Variants in BNC2 observed in about 807,000 individuals in gnomAD.
The protein encoded by BNC2 is basonuclin zinc finger protein 2, also known as zinc finger protein basonuclin-2.
BNC2 carries 20 observed loss-of-function variants against 76.3 expected under a neutral mutation model. That is an observed-to-expected ratio of 0.26 (90% CI 0.18 to 0.38). BNC2 has a LOEUF of 0.38. Among genes scored for constraint, BNC2 ranks in the 10% least tolerant of loss-of-function variants. The pLI, the probability that BNC2 is intolerant of heterozygous loss-of-function variation, is 1.00. For missense variants in BNC2, 1,382 were observed against 1,399.8 expected (o/e 0.99, Z 0.20); for synonymous variants, 582 against 514.8 (o/e 1.13, Z -1.77).
At chr9:16,539,721 G>GA (rs1818251942) in intron 5 of BNC2, among the ~76,000 whole-genome samples, 3 of 130,604 alleles carry the variant, frequency 2.3e-5, no homozygotes, top group African/African-American at 9.1e-5. Flanking sequence ...GAAGGAAGGG[G>GA]AAGGAAAAGA....
chr9:16,656,364 C>T (rs1040904053), intron 3 of BNC2, among the ~76,000 whole-genome samples: 2 of 152,148 alleles, frequency 1.3e-5, no homozygotes, highest in South Asian at 2.1e-4. Context: ...CTGTCTCATT[C>T]GATGCACCAG....
chr9:16,805,488 T>C (rs1193169482), intron 1 of BNC2, among the ~76,000 whole-genome samples: 2 of 151,900 alleles, frequency 1.3e-5, no homozygotes, highest in Non-Finnish European at 1.5e-5. Flanking sequence ...CACCACAGCC[T>C]GGCTAATTTT....
At chr9:16,545,228 C>T (rs573648212) in intron 5 of BNC2, among the ~76,000 whole-genome samples, 63 of 152,290 alleles carry the variant, frequency 4.1e-4, no homozygotes, top group African/African-American at 1.5e-3. Context: ...CTAAGAGGTA[C>T]AGTGAAATCC....
chr9:16,692,859 G>A (rs1204454911), intron 3 of BNC2, among the ~76,000 whole-genome samples: 2 of 152,064 alleles, frequency 1.3e-5, no homozygotes, highest in African/African-American at 2.4e-5. Flanking sequence ...GCTGGGCGTC[G>A]TGGCTCATGC....
chr9:16,615,159 C>T (rs1466000037), intron 3 of BNC2, among the ~76,000 whole-genome samples: 6 of 152,128 alleles, frequency 3.9e-5, no homozygotes, highest in Admixed American at 2.0e-4. Context: ...CCATAATTAA[C>T]GAATGGTGGG....
In BNC2 at chr9:16,704,568, G is replaced by GAAAAAA. The variant is rs34866692; in HGVS notation, c.330+23223_330+23228dup. Among the ~76,000 whole-genome samples the GAAAAAA allele has an allele frequency of 1.1e-3, 146 of 135,886 alleles. 1 individual carries two copies. In the East Asian group the frequency reaches 0.022, roughly 21 times the overall value. 89.1% of individuals were successfully genotyped at this position (135,886 alleles called of 152,430 possible). A position where few individuals can be genotyped will look rare whatever the true frequency, so the allele number is the denominator to read the frequency against. ...TTTAGCCCTTCTAAATGCCAAAAAG[G>GAAAAAA]AAAAAAAAAAAAAAAGTACCATTCT... On this transcript the variant is annotated intron_variant, in intron 3 of 6. Transcript: ENST00000380672.
chr9:16,521,732 A>G (rs1817626412), intron 5 of BNC2, among the ~76,000 whole-genome samples: 1 of 152,200 alleles, frequency 6.6e-6, no homozygotes, highest in Non-Finnish European at 1.5e-5. Flanking sequence ...AGTCACCAAC[A>G]TTAAAACTCC....
chr9:16,767,942 G>C (rs1228361518), intron 1 of BNC2, among the ~76,000 whole-genome samples: 1 of 150,836 alleles, frequency 6.6e-6, no homozygotes, highest in African/African-American at 2.4e-5. Context: ...ATCAGGGCAA[G>C]AAGTGAAGAG....
intron 2 of BNC2, chr9:16,728,344 T>C: frequency 2.5e-6 from 1 of 393,902 alleles, no homozygotes; most frequent in South Asian, 2.1e-5. Context: ...AATGACACCC[T>C]GCACTAACCC....
At chr9:16,857,108 T>C (rs1161940485) in intron 1 of BNC2, among the ~76,000 whole-genome samples, 1 of 152,134 alleles carries the variant, frequency 6.6e-6, no homozygotes. Flanking sequence ...GAATAAAATG[T>C]GTCAATTGGG....
chr9:16,481,967 A>G lies in BNC2; in HGVS notation c.670-44443T>C, dbSNP rs544546404. 1.8e-4 allele frequency among the ~76,000 whole-genome samples: 28 copies of G among 152,340 alleles called. 1 individual carries two copies. In the South Asian group the frequency reaches 5.4e-3, roughly 29 times the overall value. Reference sequence around the variant, plus strand: ...TTCACGGGATCATTATGTGAATTATACTGGATAATCTGAGCTCCAAAGTAT... The same window carrying G: ...TTCACGGGATCATTATGTGAATTATGCTGGATAATCTGAGCTCCAAAGTAT... On this transcript the variant is annotated intron_variant, in intron 5 of 6. Coordinates refer to ENST00000380672, the MANE Select transcript of BNC2 (RefSeq NM_017637.6).
At chr9:16,800,345 G>C (rs1173793266) in intron 1 of BNC2, among the ~76,000 whole-genome samples, 1 of 151,976 alleles carries the variant, frequency 6.6e-6, no homozygotes, top group African/African-American at 2.4e-5. Flanking sequence ...TACTATCTAA[G>C]TACCATATAC....
intron 5 of BNC2, among the ~76,000 whole-genome samples, chr9:16,523,827 G>A (rs1817705003): frequency 6.6e-6 from 1 of 152,060 alleles, no homozygotes; most frequent in South Asian, 2.1e-4. Context: ...TTGGGAGGCT[G>A]AGGCAGGAGA....
At chr9:16,629,942 CAAT>C (rs1821112881) in intron 3 of BNC2, among the ~76,000 whole-genome samples, 1 of 152,150 alleles carries the variant, frequency 6.6e-6, no homozygotes, top group Admixed American at 6.5e-5. Flanking sequence ...TTTGCCGCAT[CAAT>C]TGACTCTTCC....
intron 5 of BNC2, among the ~76,000 whole-genome samples, chr9:16,494,741 C>G (rs145581923): frequency 1.3e-5 from 2 of 152,078 alleles, no homozygotes; most frequent in East Asian, 1.9e-4. Context: ...GGGTTTTGAT[C>G]AAGATTTGGC....
chr9:16,436,183 T>A lies in BNC2; in HGVS notation c.2011A>T (p.Ser671Cys). ...TGGGAGTGACAATGATTGTCATGGCTCATGTCATTGACCACAGCTCCACCA... is the reference window on the plus strand; with the variant it reads ...TGGGAGTGACAATGATTGTCATGGCACATGTCATTGACCACAGCTCCACCA... ...NDGGAVVNDM[S>C]HDNHCHSQEE... The change falls in exon 6 of 7, where the codon AGC becomes TGC. Residue 671 changes from serine to cysteine, a missense_variant. This residue lies in a region of BNC2 where 798 missense variants were observed against 775.5 expected (regional missense o/e 1.03). Transcript: ENST00000380672. 1 of 1,614,180 alleles carries A rather than the reference T, an allele frequency of 6.2e-7. No individual in the cohort carries two copies. The highest frequency in any genetic ancestry group is 8.5e-7 in the Non-Finnish European group (1 of 1,180,030).
chr9:16,422,383 A>G (rs886130993), intron 6 of BNC2, among the ~76,000 whole-genome samples: 3 of 152,118 alleles, frequency 2.0e-5, no homozygotes, highest in African/African-American at 7.2e-5. Flanking sequence ...AAAAACAGCT[A>G]CTTTATCAAT....
chr9:16,564,216 T>C (rs73419411), intron 4 of BNC2, among the ~76,000 whole-genome samples: 8,351 of 152,302 alleles, frequency 0.055, 819 homozygotes, highest in African/African-American at 0.19. Context: ...ACTTACTTGC[T>C]GTAAGATATT....
At chr9:16,563,033 T>G (rs1438948835) in intron 4 of BNC2, among the ~76,000 whole-genome samples, 1 of 152,192 alleles carries the variant, frequency 6.6e-6, no homozygotes, top group Admixed American at 6.6e-5. Flanking sequence ...AGTGCATTTA[T>G]TTGAAGTGAA....
Sources: allele counts gnomAD v4.1 joint callset (sites outside exome capture counted in the v4.1 genomes callset), GRCh38; gene constraint gnomAD v4.1.1; regional missense constraint gnomAD v4.1.1; transcripts MANE v1.5; gene names NCBI Gene and HGNC (gene_info 2026-07-23, HGNC 2026-07-21).